Variants in MEIS2 observed in about 807,000 individuals in gnomAD.
MEIS2 encodes homeobox protein Meis2.
MEIS2 carries 9 observed loss-of-function variants against 58.6 expected under a neutral mutation model. That is an observed-to-expected ratio of 0.15 (90% confidence interval 0.09 to 0.27). MEIS2 has a LOEUF of 0.27. MEIS2 is among the 10% of genes least tolerant of loss of function. The probability of loss-of-function intolerance (pLI) is 1.00; values close to 1 mark genes in which losing one functional copy is unlikely to be tolerated. For missense variants in MEIS2, 427 were observed against 635.0 expected (o/e 0.67, Z 3.52); for synonymous variants, 221 against 228.4 (o/e 0.97, Z 0.29).
intron 9 of MEIS2, chr15:36,897,552 T>C (rs1468873919): frequency 3.3e-5 from 5 of 152,222 alleles, no homozygotes; most frequent in African/African-American, 4.8e-5. Context: ...CCATCAAATA[T>C]TCATGTACAA....
At chr15:37,064,016 A>G (rs184331451) in intron 7 of MEIS2, among the ~76,000 whole-genome samples, 1 of 152,304 alleles carries the variant, frequency 6.6e-6, no homozygotes, top group Admixed American at 6.5e-5. Flanking sequence ...GAAAAACTTG[A>G]TCAGAAGGAT....
intron 8 of MEIS2, among the ~76,000 whole-genome samples, chr15:36,978,984 G>A (rs1190769126): frequency 6.6e-6 from 1 of 151,978 alleles, no homozygotes; most frequent in Admixed American, 6.6e-5. Context: ...AAAAATAAAG[G>A]GCCAAAAGTA....
chr15:37,094,076 G>C, intron 5 of MEIS2: 1 of 269,310 alleles, frequency 3.7e-6, no homozygotes, highest in Non-Finnish European at 6.7e-6. Context: ...GAGCTGGGGA[G>C]AGCATTAACG....
Position 37,099,622 on chromosome 15 carries a change from A to C in MEIS2, c.-156T>G. ...ATGCTATTTTTTAGGGGGGAAAAAA[A>C]GCCCAGTCTAGACAACGAAGAATTT... is the stretch of plus-strand genomic sequence containing the variant. On this transcript the variant is annotated 5_prime_UTR_variant, in exon 1 of 12. Transcript: ENST00000561208. 9.5e-7 allele frequency: 1 copy of C among 1,055,012 alleles called. No individual in the cohort carries two copies. Among genetic ancestry groups the C allele is most frequent in the Non-Finnish European group, 1.3e-6 (1 of 751,178 alleles). The allele number at this position is 1,055,012 out of a possible 1,614,324, so 65.4% of individuals were successfully genotyped here.
At chr15:37,096,533 T>C (rs527529527) in intron 2 of MEIS2, 103 bp from the exon 3 acceptor site, 3 of 1,396,372 alleles carry the variant, frequency 2.1e-6, no homozygotes, top group African/African-American at 2.9e-5. Context: ...GAGTCCTTCT[T>C]TAATACAACA....
rs557158054 is a variant in MEIS2, at chr15:37,069,965, C to CT, written c.754+13805dup. ...ATTGTTGTTTTCTCACCTCCTTCCT[C>CT]TTTCATGGATTTGCCACCCAACCTC... On this transcript the variant is annotated intron_variant, in intron 7 of 11. Coordinates refer to ENST00000561208, the MANE Select transcript of MEIS2 (RefSeq NM_170675.5). Among the ~76,000 whole-genome samples, 27 of 152,216 alleles carry CT rather than the reference C, an allele frequency of 1.8e-4. No individual in the cohort carries two copies. The South Asian group carries it at 5.6e-3, about 32-fold the overall frequency.
intron 8 of MEIS2, among the ~76,000 whole-genome samples, chr15:36,950,786 A>T (rs2058726796): frequency 6.6e-6 from 1 of 152,088 alleles, no homozygotes; most frequent in Non-Finnish European, 1.5e-5. Flanking sequence ...TAAAGCCCTT[A>T]TTCTAAATTA....
chr15:37,045,571 G>T (rs903483222), intron 7 of MEIS2, among the ~76,000 whole-genome samples: 1 of 152,138 alleles, frequency 6.6e-6, no homozygotes, highest in Non-Finnish European at 1.5e-5. Flanking sequence ...CATCAGCAAA[G>T]TAAATTTTTT....
chr15:37,005,691 G>C (rs1462217449), intron 8 of MEIS2, among the ~76,000 whole-genome samples: 1 of 152,070 alleles, frequency 6.6e-6, no homozygotes, highest in East Asian at 1.9e-4. Context: ...CAAGTTGCTT[G>C]GACTACAGAT....
chr15:37,072,419 C>G (rs1050875850), intron 7 of MEIS2, among the ~76,000 whole-genome samples: 1 of 152,072 alleles, frequency 6.6e-6, no homozygotes, highest in African/African-American at 2.4e-5. Flanking sequence ...GTAAACAGTG[C>G]TCTACAGGAT....
intron 9 of MEIS2, among the ~76,000 whole-genome samples, chr15:36,947,210 T>C (rs1412865624): frequency 1.3e-5 from 2 of 151,956 alleles, no homozygotes; most frequent in Non-Finnish European, 2.9e-5. Flanking sequence ...TGACTGAGTG[T>C]CATAAATTTC....
At chr15:36,927,480 T>C (rs2057794860) in intron 9 of MEIS2, among the ~76,000 whole-genome samples, 1 of 152,160 alleles carries the variant, frequency 6.6e-6, no homozygotes, top group Admixed American at 6.5e-5. Context: ...TACCATAAAA[T>C]AACATCTACA....
chr15:36,946,310 A>G (rs1237718215), intron 9 of MEIS2, among the ~76,000 whole-genome samples: 1 of 151,836 alleles, frequency 6.6e-6, no homozygotes, highest in Non-Finnish European at 1.5e-5. Flanking sequence ...AGAAAATACC[A>G]GAGTGTTAAT....
chr15:36,902,745 T>A (rs2056541648), intron 9 of MEIS2, among the ~76,000 whole-genome samples: 1 of 152,202 alleles, frequency 6.6e-6, no homozygotes, highest in African/African-American at 2.4e-5. Context: ...CATACTCTTC[T>A]CTTTAGGTAT....
chr15:36,985,457 C>G (rs2060064584), intron 8 of MEIS2, among the ~76,000 whole-genome samples: 1 of 152,082 alleles, frequency 6.6e-6, no homozygotes, highest in Admixed American at 6.5e-5. Flanking sequence ...TGATAGAGGC[C>G]TTGTTTTCTT....
rs1465133740 is a variant in MEIS2 at position 37,100,199 on chromosome 15, A to T, written c.-733T>A. The T allele has an allele frequency of 6.6e-6, 1 of 151,296 alleles. No homozygotes were observed. Among genetic ancestry groups the T allele is most frequent in the African/African-American group, 2.4e-5 (1 of 40,880 alleles). 9.4% of individuals were successfully genotyped at this position (151,296 alleles called of 1,614,324 possible). Reference sequence around the variant, plus strand: ...GAAAAAAAAATGAATAGTTTGCAAAAATTGGACTTCCTCCCCCCCTTTCCT... The same window carrying T: ...GAAAAAAAAATGAATAGTTTGCAAATATTGGACTTCCTCCCCCCCTTTCCT... On this transcript the variant is annotated 5_prime_UTR_variant, in exon 1 of 12. Coordinates refer to ENST00000561208, the MANE Select transcript of MEIS2 (RefSeq NM_170675.5).
intron 7 of MEIS2, among the ~76,000 whole-genome samples, chr15:37,046,981 G>T (rs142403141): frequency 2.0e-5 from 3 of 152,132 alleles, no homozygotes; most frequent in African/African-American, 2.4e-5. Flanking sequence ...GACCCTAGTA[G>T]AAAAGTACAT....
intron 8 of MEIS2, among the ~76,000 whole-genome samples, chr15:36,953,192 A>G (rs951880889): frequency 6.6e-6 from 1 of 152,148 alleles, no homozygotes; most frequent in Non-Finnish European, 1.5e-5. Flanking sequence ...TTTTGGATTA[A>G]TTTACAAATA....
Position 37,098,222 on chromosome 15 carries a change from A to G in MEIS2, c.13-23T>C, listed in dbSNP as rs763240693. On this transcript the variant is annotated intron_variant, in intron 1 of 11. Transcript: ENST00000561208. Reference sequence around the variant, plus strand: ...GTACTGTCAGAACCCGGGAAGGGGGAGGGGGCGCAGGAGGTGAGGGAGAAC... The same window carrying G: ...GTACTGTCAGAACCCGGGAAGGGGGGGGGGGCGCAGGAGGTGAGGGAGAAC... 3.5e-5 allele frequency: 54 copies of G among 1,535,758 alleles called. No homozygotes were observed. In the Admixed American group the frequency reaches 6.2e-4, roughly 18 times the overall value.
Sources: gnomAD v4.1 joint callset for allele counts (sites outside exome capture counted in the v4.1 genomes callset) on GRCh38, gnomAD v4.1.1 for gene constraint, MANE v1.5 for transcripts, NCBI Gene and HGNC (gene_info 2026-07-23, HGNC 2026-07-21) for gene names.